Variants in SRGAP1 observed in about 807,000 individuals in gnomAD.
SRGAP1 encodes SLIT-ROBO Rho GTPase activating protein 1.
SRGAP1 carries 43 observed loss-of-function variants against 121.9 expected under a neutral mutation model. That is an observed-to-expected ratio of 0.35 (90% CI 0.28 to 0.46). The LOEUF is 0.46. Among genes scored for constraint, SRGAP1 ranks in the 20% least tolerant of loss-of-function variants. The probability of loss-of-function intolerance (pLI) is 1.00; values close to 1 mark genes in which losing one functional copy is unlikely to be tolerated. For missense variants in SRGAP1, 1,102 were observed against 1,350.9 expected (o/e 0.82, Z 2.89); for synonymous variants, 447 against 485.4 (o/e 0.92, Z 1.04).
At chr12:64,125,853 C>T (rs1206379950) in intron 18 of SRGAP1, 124 bp from the exon 19 acceptor site, 19 of 874,104 alleles carry the variant, frequency 2.2e-5, no homozygotes, top group Non-Finnish European at 3.1e-5. Context: ...ATGTTGATGA[C>T]TCTGTTCAGT....
In SRGAP1 at chr12:64,020,462, G is replaced by GA. The variant is rs1237837041; in HGVS notation, c.489+3459dup. 4.7e-3 allele frequency among the ~76,000 whole-genome samples: 710 copies of GA among 150,026 alleles called. 3 individuals carry two copies. Among genetic ancestry groups the GA allele is most frequent in the African/African-American group, 0.016 (651 of 40,944 alleles). Reference sequence around the variant, plus strand: ...GCCCAATCTTGCCTTTATTTGCTGGGAAAAAAAAAGAAAAAGGCCTCAAAT... The same window carrying GA: ...GCCCAATCTTGCCTTTATTTGCTGGGAAAAAAAAAAGAAAAAGGCCTCAAAT... On this transcript the variant is annotated intron_variant, in intron 4 of 21. Transcript: ENST00000355086.
At chr12:64,139,666 G>A (rs1289943205) in intron 21 of SRGAP1, among the ~76,000 whole-genome samples, 3 of 151,666 alleles carry the variant, frequency 2.0e-5, no homozygotes, top group Non-Finnish European at 4.4e-5. Context: ...AGTAGGTTGC[G>A]AAAATTTTCT....
intron 4 of SRGAP1, among the ~76,000 whole-genome samples, chr12:64,029,261 TG>T (rs1241449017): frequency 2.6e-5 from 4 of 152,238 alleles, no homozygotes; most frequent in Non-Finnish European, 5.9e-5. Context: ...ATTTGTGTCG[TG>T]TCTCTAAATC....
chr12:64,095,376 A>AGC (rs1368156253), intron 14 of SRGAP1, among the ~76,000 whole-genome samples, 172 bp downstream of exon 14: 4 of 152,228 alleles, frequency 2.6e-5, no homozygotes, highest in Non-Finnish European at 4.4e-5. Flanking sequence ...TACCAAAACT[A>AGC]TAAGCCCTTG....
At chr12:64,122,658 G>A (rs1231141487) in intron 18 of SRGAP1, among the ~76,000 whole-genome samples, 1 of 152,162 alleles carries the variant, frequency 6.6e-6, no homozygotes, top group Non-Finnish European at 1.5e-5. Context: ...TCAGCACTTT[G>A]GGAGGCCGAG....
rs766885898 is a variant in SRGAP1 at position 64,080,302 on chromosome 12, T to C, written c.1340T>C (p.Leu447Ser). 1.5e-5 allele frequency: 24 copies of C among 1,612,184 alleles called. No homozygotes were observed. The highest frequency in any genetic ancestry group is 1.6e-4 in the Middle Eastern group (1 of 6,078). Residue 447 changes from leucine (L) to serine (S), a missense_variant, in exon 10 of 22, where the codon TTG becomes TCG. Leu to Ser is a moderately radical substitution (Grantham distance 145). Transcript: ENST00000355086. ...CTTTTGCAGAAACTCAGAGAATATT[T>C]GGAAGGCAGTAATCTCATCACAAAA... ...QFYFMKLREY[L>S]EGSNLITKLQ...
chr12:64,086,858 A>G lies in SRGAP1; in HGVS notation c.1409-141A>G, dbSNP rs560088932. 281 of 620,256 alleles carry G rather than the reference A, an allele frequency of 4.5e-4. 1 individual carries two copies. The highest frequency in any genetic ancestry group is 6.7e-4 in the South Asian group (33 of 49,364). The allele number at this position is 620,256 out of a possible 1,614,324, so 38.4% of individuals were successfully genotyped here. A position where few individuals can be genotyped will look rare whatever the true frequency, so the allele number is the denominator to read the frequency against. ...AATTATGTGTCTATCTTCATATGCTATCCTCATGTTTTCTGCCATAAAAAC... is the reference window on the plus strand; with the variant it reads ...AATTATGTGTCTATCTTCATATGCTGTCCTCATGTTTTCTGCCATAAAAAC... On this transcript the variant is annotated intron_variant, in intron 10 of 21. Transcript: ENST00000355086.
chr12:63,888,896 T>C (rs1036668986), intron 1 of SRGAP1, among the ~76,000 whole-genome samples: 2 of 152,178 alleles, frequency 1.3e-5, no homozygotes, highest in African/African-American at 4.8e-5. Flanking sequence ...ACAAGAATAT[T>C]GGGCAGGGAT....
chr12:63,863,091 C>G (rs1435277043), intron 1 of SRGAP1, among the ~76,000 whole-genome samples: 1 of 152,132 alleles, frequency 6.6e-6, no homozygotes, highest in African/African-American at 2.4e-5. Context: ...TACTTCATGA[C>G]AGACAGTGGA....
intron 6 of SRGAP1, among the ~76,000 whole-genome samples, chr12:64,050,967 G>A (rs1315978110): frequency 6.6e-6 from 1 of 152,096 alleles, no homozygotes; most frequent in Admixed American, 6.6e-5. Context: ...CAGGTGATCT[G>A]CCTACCTCGG....
At chr12:63,901,337 C>G (rs962309595) in intron 1 of SRGAP1, among the ~76,000 whole-genome samples, 3 of 152,174 alleles carry the variant, frequency 2.0e-5, no homozygotes, top group Non-Finnish European at 4.4e-5. Context: ...AGTTTATTTT[C>G]CCCAGTTCTC....
intron 1 of SRGAP1, among the ~76,000 whole-genome samples, chr12:63,931,345 A>G (rs2031468626): frequency 6.6e-6 from 1 of 152,226 alleles, no homozygotes; most frequent in Admixed American, 6.5e-5. Flanking sequence ...TGAGCAAAAG[A>G]AGGTAATAGC....
chr12:63,958,232 C>A (rs562993136), intron 1 of SRGAP1, among the ~76,000 whole-genome samples: 1 of 152,304 alleles, frequency 6.6e-6, no homozygotes, highest in Non-Finnish European at 1.5e-5. Context: ...ATGGCCCTTG[C>A]ATTCCTTCTC....
At chr12:63,938,399 C>A (rs539058199) in intron 1 of SRGAP1, among the ~76,000 whole-genome samples, 2 of 152,172 alleles carry the variant, frequency 1.3e-5, no homozygotes, top group Admixed American at 6.5e-5. Flanking sequence ...TCCGGTTGTG[C>A]TCGCCTGTCA....
intron 1 of SRGAP1, among the ~76,000 whole-genome samples, chr12:63,869,811 A>G (rs918062411): frequency 6.6e-6 from 1 of 152,226 alleles, no homozygotes; most frequent in Non-Finnish European, 1.5e-5. Context: ...TAGTAGATAC[A>G]ATATGAATGT....
At chr12:64,137,444 G>A (rs1325555086) in intron 21 of SRGAP1, among the ~76,000 whole-genome samples, 3 of 152,078 alleles carry the variant, frequency 2.0e-5, no homozygotes, top group Non-Finnish European at 2.9e-5. Context: ...ATGTCTTCCA[G>A]ATTTGTTTTT....
intron 4 of SRGAP1, 98 bp from the exon 5 acceptor site, chr12:64,042,692 A>G: frequency 1.3e-6 from 1 of 794,898 alleles, no homozygotes; most frequent in Non-Finnish European, 2.0e-6. Flanking sequence ...GCCATTTGGA[A>G]GGTGGTATGT....
At chr12:63,943,177 T>C (rs1211689706) in intron 1 of SRGAP1, among the ~76,000 whole-genome samples, 2 of 152,202 alleles carry the variant, frequency 1.3e-5, no homozygotes, top group Admixed American at 1.3e-4. Context: ...AGGAACAAAA[T>C]ATTGACAGTC....
chr12:63,874,030 C>T (rs1395716283), intron 1 of SRGAP1, among the ~76,000 whole-genome samples: 1 of 149,248 alleles, frequency 6.7e-6, no homozygotes, highest in East Asian at 2.1e-4. Context: ...GAGACTCTGT[C>T]AGAAAGAGAA....
Sources: allele counts gnomAD v4.1 joint callset (sites outside exome capture counted in the v4.1 genomes callset), GRCh38; gene constraint gnomAD v4.1.1; transcripts MANE v1.5; gene names NCBI Gene and HGNC (gene_info 2026-07-23, HGNC 2026-07-21).